The following HDAC9 variants were observed in gnomAD, a reference collection of about 807,000 sequenced individuals.
HDAC9 encodes MEF-2 interacting transcription repressor (MITR) protein.
Under a neutral mutation model 139.4 loss-of-function variants are expected in HDAC9, and 41 were observed. The ratio of observed to expected loss-of-function variants is 0.29; its 90% CI spans 0.23 to 0.38. The LOEUF (loss-of-function observed/expected upper bound fraction) is 0.38. HDAC9 is among the 10% of genes least tolerant of loss of function. The pLI is 1.00. For missense variants in HDAC9, 1,147 were observed against 1,297.0 expected (o/e 0.88, Z 1.78); for synonymous variants, 517 against 476.2 (o/e 1.09, Z -1.12).
intron 22 of HDAC9, among the ~76,000 whole-genome samples, chr7:18,883,943 G>A (rs1475393524): frequency 1.3e-5 from 2 of 152,000 alleles, no homozygotes; most frequent in African/African-American, 4.8e-5. Flanking sequence ...ATGTACAATA[G>A]CTACAAAAAG....
At chr7:18,429,549 T>TTG (rs544337272) in intron 1 of HDAC9, among the ~76,000 whole-genome samples, 2,857 of 150,204 alleles carry the variant, frequency 0.019, 85 homozygotes, top group African/African-American at 0.065. Context: ...GTGTGTGTAT[T>TTG]TGTGTGTGTG....
intron 22 of HDAC9, among the ~76,000 whole-genome samples, chr7:18,917,581 G>A (rs984851780): frequency 2.6e-5 from 4 of 151,988 alleles, no homozygotes; most frequent in Non-Finnish European, 1.5e-5. Flanking sequence ...ATGAGAGGAG[G>A]AGGAAAAGCA....
intron 21 of HDAC9, among the ~76,000 whole-genome samples, chr7:18,843,230 T>C (rs145779307): frequency 1.3e-5 from 2 of 152,276 alleles, no homozygotes; most frequent in African/African-American, 4.8e-5. Context: ...TTTGTTTTTG[T>C]TTTGCAGATG....
intron 12 of HDAC9, among the ~76,000 whole-genome samples, chr7:18,686,243 C>G (rs1171870298): frequency 3.3e-5 from 5 of 151,970 alleles, no homozygotes; most frequent in Non-Finnish European, 5.9e-5. Flanking sequence ...CCATTTGCTA[C>G]TATGCTAACT....
chr7:18,838,307 G>A (rs1356392494), intron 21 of HDAC9, among the ~76,000 whole-genome samples: 3 of 152,036 alleles, frequency 2.0e-5, no homozygotes, highest in African/African-American at 7.2e-5. Flanking sequence ...CAGATAAAAT[G>A]ATTAACTTGT....
At chr7:18,292,529 A>G (rs902190750) in intron 1 of HDAC9, among the ~76,000 whole-genome samples, 4 of 152,160 alleles carry the variant, frequency 2.6e-5, no homozygotes, top group African/African-American at 9.7e-5. Flanking sequence ...AATTTGTCAT[A>G]AATTTTGACA....
Position 18,262,409 on chromosome 7 carries a change from G to T in HDAC9, c.25+100060G>T, listed in dbSNP as rs191380969. Among the ~76,000 whole-genome samples, 261 of 152,266 alleles carry T rather than the reference G, an allele frequency of 1.7e-3. 3 individuals are homozygous for T. The highest frequency in any genetic ancestry group is 6.0e-3 in the African/African-American group (251 of 41,570). ...GAAAAACTCCTCCAATTTTTAAGGA[G>T]AAATTAAGGCATTTCCAGATAAACA... is the stretch of plus-strand genomic sequence containing the variant. On this transcript the variant is annotated intron_variant, in intron 2 of 12. Transcript: ENST00000417496.
intron 1 of HDAC9, among the ~76,000 whole-genome samples, chr7:18,305,233 C>CT (rs1344002000): frequency 6.6e-6 from 1 of 152,112 alleles, no homozygotes; most frequent in Non-Finnish European, 1.5e-5. Flanking sequence ...CATCTTCACT[C>CT]TTGATGATAA....
At chr7:18,313,913 A>G (rs1799474077) in intron 1 of HDAC9, among the ~76,000 whole-genome samples, 1 of 152,116 alleles carries the variant, frequency 6.6e-6, no homozygotes, top group South Asian at 2.1e-4. Context: ...GAGACATTTG[A>G]TATATTTTTG....
intron 2 of HDAC9, among the ~76,000 whole-genome samples, chr7:18,259,588 T>C (rs966896253): frequency 2.4e-4 from 36 of 151,878 alleles, no homozygotes; most frequent in Admixed American, 1.4e-3. Flanking sequence ...TGGTTTCAAA[T>C]TGCTGGACTC....
chr7:18,678,441 T>C (rs959980685), intron 12 of HDAC9, among the ~76,000 whole-genome samples: 1 of 151,818 alleles, frequency 6.6e-6, no homozygotes, highest in Non-Finnish European at 1.5e-5. Flanking sequence ...CTCTCTTTCT[T>C]TTGGGACTCC....
chr7:18,571,592 A>C (rs2128744455), intron 2 of HDAC9, among the ~76,000 whole-genome samples: 1 of 152,160 alleles, frequency 6.6e-6, no homozygotes, highest in East Asian at 1.9e-4. Context: ...TAGGAGTTTC[A>C]GTGGGGCTTT....
At chr7:18,212,447 A>T (rs932427944) in intron 2 of HDAC9, among the ~76,000 whole-genome samples, 7 of 152,172 alleles carry the variant, frequency 4.6e-5, no homozygotes, top group Non-Finnish European at 7.3e-5. Context: ...GTAGCCAGAA[A>T]ATACGGGTGT....
Position 18,296,479 on chromosome 7 carries a change from C to T in HDAC9, c.-42+5964C>T, listed in dbSNP as rs551884271. 1.4e-4 allele frequency among the ~76,000 whole-genome samples: 22 copies of T among 152,090 alleles called. No individual in the cohort carries two copies. In the South Asian group the frequency reaches 2.3e-3, roughly 16 times the overall value. Reference sequence around the variant, plus strand: ...TAAACTCTTAGATACCTATAACTAACGCAGGATATGGAATTTAACCATTAT... The same window carrying T: ...TAAACTCTTAGATACCTATAACTAATGCAGGATATGGAATTTAACCATTAT... On this transcript the variant is annotated intron_variant, in intron 1 of 3. Transcript: ENST00000413509.
At chr7:18,756,801 G>A (rs1178397870) in intron 14 of HDAC9, among the ~76,000 whole-genome samples, 1 of 151,930 alleles carries the variant, frequency 6.6e-6, no homozygotes, top group Non-Finnish European at 1.5e-5. Context: ...TTTTCCATGT[G>A]ACCCACAGAA....
chr7:18,735,226 G>A (rs921356398), intron 13 of HDAC9, among the ~76,000 whole-genome samples: 1 of 152,190 alleles, frequency 6.6e-6, no homozygotes, highest in Non-Finnish European at 1.5e-5. Context: ...CCAGGCAGAA[G>A]CTTTTTAGCT....
intron 13 of HDAC9, among the ~76,000 whole-genome samples, chr7:18,739,936 T>C (rs1584951000): frequency 6.6e-6 from 1 of 152,184 alleles, no homozygotes; most frequent in Non-Finnish European, 1.5e-5. Flanking sequence ...AGTTTGAGCT[T>C]CCCAGCTGCT....
intron 12 of HDAC9, among the ~76,000 whole-genome samples, chr7:18,683,495 T>C (rs1157928014): frequency 1.3e-5 from 2 of 152,026 alleles, no homozygotes; most frequent in Non-Finnish European, 2.9e-5. Flanking sequence ...ATCTTGTCCC[T>C]GGTTCTTCTA....
chr7:18,360,471 A>C (rs1783689109), intron 1 of HDAC9, among the ~76,000 whole-genome samples: 1 of 152,166 alleles, frequency 6.6e-6, no homozygotes, highest in Non-Finnish European at 1.5e-5. Flanking sequence ...CACTTTCTGA[A>C]CATCTCTTTA....
Sources: allele counts gnomAD v4.1 joint callset (sites outside exome capture counted in the v4.1 genomes callset), GRCh38; gene constraint gnomAD v4.1.1; transcripts MANE v1.5; gene names NCBI Gene and HGNC (gene_info 2026-07-23, HGNC 2026-07-21).